Variants in ERG observed in about 807,000 individuals in gnomAD.
The protein encoded by ERG is transcriptional regulator ERG.
A neutral mutation model predicts 55.3 loss-of-function variants in ERG; 9 were observed. That is an observed-to-expected ratio of 0.16 (90% CI 0.10 to 0.28). The LOEUF (loss-of-function observed/expected upper bound fraction) is 0.28. Among genes scored for constraint, ERG ranks in the 10% least tolerant of loss-of-function variants. The pLI is 1.00. For synonymous variants in ERG, 223 were observed against 237.3 expected, an observed-to-expected ratio of 0.94 and a Z score of 0.55; for missense variants, 434 against 631.6, an observed-to-expected ratio of 0.69 and a Z score of 3.35.
At chr21:38,615,801 C>T (rs1036661181) in intron 1 of ERG, among the ~76,000 whole-genome samples, 8 of 151,848 alleles carry the variant, frequency 5.3e-5, no homozygotes, top group African/African-American at 1.7e-4. Flanking sequence ...TGAACACTTC[C>T]ATTACAGTCA....
chr21:38,438,777 T>C (rs1183874022), intron 2 of ERG, among the ~76,000 whole-genome samples: 2 of 152,200 alleles, frequency 1.3e-5, no homozygotes, highest in Admixed American at 1.3e-4. Flanking sequence ...GTGGGTCACC[T>C]TTACCCAGCT....
chr21:38,400,561 G>C lies in ERG; in HGVS notation c.745+13C>G, dbSNP rs201046610. 1.1e-5 allele frequency: 17 copies of C among 1,598,326 alleles called. No homozygotes were observed. In the African/African-American group the frequency reaches 2.0e-4, roughly 19 times the overall value. ...TCTCTCAATGAAGAGATCACACAGG[G>C]GTGTTTTCGTACCTGGCCTAGTTGT... On this transcript the variant is annotated intron_variant, in intron 6 of 9. Coordinates refer to ENST00000288319, the MANE Select transcript of ERG (RefSeq NM_182918.4).
At chr21:38,397,080 G>A (rs1988255162) in intron 6 of ERG, among the ~76,000 whole-genome samples, 1 of 152,126 alleles carries the variant, frequency 6.6e-6, no homozygotes, top group African/African-American at 2.4e-5. Flanking sequence ...AAAATACTAG[G>A]TACGGGCATG....
chr21:38,545,924 A>G (rs898935815), intron 2 of ERG, among the ~76,000 whole-genome samples: 7 of 152,220 alleles, frequency 4.6e-5, no homozygotes, highest in African/African-American at 1.7e-4. Context: ...AACCAAATCT[A>G]CAGACTTCTC....
intron 4 of ERG, 47 bp downstream of exon 4, chr21:38,403,459 A>C (rs747933429): frequency 6.3e-7 from 1 of 1,591,248 alleles, no homozygotes; most frequent in Non-Finnish European, 8.6e-7. Flanking sequence ...TCAGGTCATA[A>C]GAACCATAGC....
chr21:38,643,017 C>T (rs78382713), intron 1 of ERG, among the ~76,000 whole-genome samples: 2,668 of 152,258 alleles, frequency 0.018, 42 homozygotes, highest in Non-Finnish European at 0.028. Context: ...CTTTTCTTAG[C>T]GCCCCCTTCC....
chr21:38,629,689 G>C (rs527638613), intron 1 of ERG, among the ~76,000 whole-genome samples: 45 of 152,290 alleles, frequency 3.0e-4, no homozygotes, highest in African/African-American at 1.0e-3. Flanking sequence ...GTGGAAAACA[G>C]TATGACAGTT....
intron 2 of ERG, among the ~76,000 whole-genome samples, chr21:38,432,119 G>A (rs2146527177): frequency 6.6e-6 from 1 of 152,308 alleles, no homozygotes; most frequent in Middle Eastern, 3.4e-3. Flanking sequence ...TTAAGAGACA[G>A]GGTCTTGCTC....
At chr21:38,510,728 G>A (rs1319447078) in intron 2 of ERG, among the ~76,000 whole-genome samples, 1 of 152,108 alleles carries the variant, frequency 6.6e-6, no homozygotes. Context: ...ACTCAAAACT[G>A]CCACCTTTTA....
chr21:38,651,546 A>T (rs1445567258), intron 1 of ERG, among the ~76,000 whole-genome samples: 4 of 152,236 alleles, frequency 2.6e-5, no homozygotes, highest in Non-Finnish European at 5.9e-5. Flanking sequence ...TTTTACACTG[A>T]TTACATTTGA....
At chr21:38,424,185 GAGCTCTCTCTCT>G (rs1989702031) in intron 2 of ERG, among the ~76,000 whole-genome samples, 7 of 58,578 alleles carry the variant, frequency 1.2e-4, no homozygotes, top group African/African-American at 1.6e-4. Flanking sequence ...ACCAGAGCTC[GAGCTCTCTCTCT>G]CTCTCTCTCT....
intron 1 of ERG, among the ~76,000 whole-genome samples, chr21:38,487,582 A>T (rs1276938929): frequency 6.6e-6 from 1 of 152,174 alleles, no homozygotes; most frequent in Non-Finnish European, 1.5e-5. Flanking sequence ...GCATCACCCA[A>T]ATGTGGTTCA....
chr21:38,412,794 T>A (rs1220021460), intron 3 of ERG, among the ~76,000 whole-genome samples: 1 of 152,178 alleles, frequency 6.6e-6, no homozygotes, highest in African/African-American at 2.4e-5. Flanking sequence ...TAAATCTTGG[T>A]TGGGGGAGAT....
At chr21:38,540,680 G>A (rs181282548) in intron 2 of ERG, among the ~76,000 whole-genome samples, 34 of 152,226 alleles carry the variant, frequency 2.2e-4, no homozygotes, top group Non-Finnish European at 4.0e-4. Flanking sequence ...CTGAGACCCC[G>A]CCTTCTGGAG....
Position 38,403,498 on chromosome 21 carries a change from G to T in ERG, c.592+8C>A, listed in dbSNP as rs765391658. ...AGCCATCTATCCTTGGAGGAAGGGGGAGCTTACTCTCTCTGAGGTAGTGGA... is the reference window on the plus strand; with the variant it reads ...AGCCATCTATCCTTGGAGGAAGGGGTAGCTTACTCTCTCTGAGGTAGTGGA... On this transcript the variant is annotated splice_region_variant and intron_variant, in intron 4 of 9. Coordinates refer to ENST00000288319, the MANE Select transcript of ERG (RefSeq NM_182918.4). 8.7e-6 allele frequency: 14 copies of T among 1,613,578 alleles called. No individual in the cohort carries two copies. In the Middle Eastern group the frequency reaches 1.2e-3, roughly 135 times the overall value.
intron 2 of ERG, among the ~76,000 whole-genome samples, chr21:38,573,304 A>T (rs2059971649): frequency 6.6e-6 from 1 of 152,338 alleles, no homozygotes; most frequent in South Asian, 2.1e-4. Context: ...GACACCCGTA[A>T]AGGGTCTGTG....
intron 1 of ERG, among the ~76,000 whole-genome samples, chr21:38,577,078 CA>C (rs1318468637): frequency 1.3e-5 from 2 of 152,210 alleles, no homozygotes; most frequent in African/African-American, 4.8e-5. Flanking sequence ...TGGCTCTTTG[CA>C]GTAACAAATG....
At chr21:38,610,830 G>A (rs2146928079) in intron 1 of ERG, among the ~76,000 whole-genome samples, 1 of 152,300 alleles carries the variant, frequency 6.6e-6, no homozygotes, top group African/African-American at 2.4e-5. Flanking sequence ...TACACACAAT[G>A]CAAGGAACTG....
intron 3 of ERG, among the ~76,000 whole-genome samples, chr21:38,417,564 G>A (rs979743793): frequency 6.6e-6 from 1 of 152,166 alleles, no homozygotes; most frequent in Non-Finnish European, 1.5e-5. Flanking sequence ...CGAGGTGGGT[G>A]GATCATCTGA....
Sources: allele counts gnomAD v4.1 joint callset (sites outside exome capture counted in the v4.1 genomes callset), GRCh38; gene constraint gnomAD v4.1.1; transcripts MANE v1.5; gene names NCBI Gene and HGNC (gene_info 2026-07-23, HGNC 2026-07-21).